The following ADGRL4 variants were observed in gnomAD, a reference collection of about 807,000 sequenced individuals.
The protein encoded by ADGRL4 is adhesion G protein-coupled receptor L4.
A neutral mutation model predicts 74.8 loss-of-function variants in ADGRL4; 90 were observed. The observed-to-expected ratio is 1.20, with a 90% CI of 1.02 to 1.43. The LOEUF (loss-of-function observed/expected upper bound fraction) is 1.43. ADGRL4 is among the 40% of genes most tolerant of loss of function. The probability of loss-of-function intolerance (pLI) is 0.00; values close to 1 mark genes in which losing one functional copy is unlikely to be tolerated. For missense variants in ADGRL4, 881 were observed against 814.3 expected (o/e 1.08, Z -1.00); for synonymous variants, 311 against 279.2 (o/e 1.11, Z -1.14).
chr1:78,947,097 A>G (rs760890095), intron 2 of ADGRL4, among the ~76,000 whole-genome samples: 39 of 152,202 alleles, frequency 2.6e-4, no homozygotes, highest in Non-Finnish European at 3.1e-4. Flanking sequence ...CTGTTAAATA[A>G]ATTGATTGGA....
intron 7 of ADGRL4, among the ~76,000 whole-genome samples, chr1:78,932,017 C>G (rs1485314649): frequency 1.3e-5 from 2 of 151,336 alleles, no homozygotes; most frequent in Non-Finnish European, 2.9e-5. Context: ...TTAGACAGAT[C>G]AATGAGACAG....
intron 2 of ADGRL4, among the ~76,000 whole-genome samples, chr1:78,960,243 T>C (rs1203364566): frequency 6.6e-6 from 1 of 152,202 alleles, no homozygotes; most frequent in Non-Finnish European, 1.5e-5. Flanking sequence ...TCTAAAACTA[T>C]TAAATTTTGC....
rs781694295 is a variant in ADGRL4 at position 78,920,195 on chromosome 1, T to C, written c.1449A>G (p.Thr483=). Residue 483 remains threonine, a synonymous_variant, in exon 10 of 15, where the codon ACA becomes ACG. Coordinates refer to ENST00000370742, the MANE Select transcript of ADGRL4 (RefSeq NM_022159.4). ...AELVFLVGIN[T]NTNKLFCSII... ...GATGCCTACATACCTTATTAGTATTTGTATTGATCCCAACAAGAAAAACAA... is the reference window on the plus strand; with the variant it reads ...GATGCCTACATACCTTATTAGTATTCGTATTGATCCCAACAAGAAAAACAA... 8.1e-6 allele frequency: 13 copies of C among 1,610,564 alleles called. No homozygotes were observed. Among genetic ancestry groups the C allele is most frequent in the Non-Finnish European group, 1.0e-5 (12 of 1,178,248 alleles).
At chr1:78,942,783 T>C (rs1398970890) in intron 3 of ADGRL4, among the ~76,000 whole-genome samples, 2 of 151,872 alleles carry the variant, frequency 1.3e-5, no homozygotes, top group Non-Finnish European at 2.9e-5. Flanking sequence ...ATTTAAAAAT[T>C]AGTCAGACAA....
chr1:78,914,949 TG>T (rs1487211618), intron 12 of ADGRL4, among the ~76,000 whole-genome samples: 1 of 151,904 alleles, frequency 6.6e-6, no homozygotes, highest in Admixed American at 6.6e-5. Context: ...TTCACTTTGA[TG>T]GTATGCATAA....
rs1649357389 is a variant in ADGRL4 at position 78,936,509 on chromosome 1, T to C, written c.761-98A>G. ...GAGACAATTTCATCCATCATTATTG[T>C]GTTTTAAATTATTTATAACAAGTAG... is the stretch of plus-strand genomic sequence containing the variant. On this transcript the variant is annotated intron_variant, in intron 6 of 14. Transcript: ENST00000370742. 3.7e-6 allele frequency: 4 copies of C among 1,093,236 alleles called. No homozygotes were observed. The Admixed American group carries it at 1.3e-4, about 37-fold the overall frequency. 67.7% of individuals were successfully genotyped at this position (1,093,236 alleles called of 1,614,324 possible).
intron 12 of ADGRL4, among the ~76,000 whole-genome samples, chr1:78,894,316 C>G (rs1013822524): frequency 2.6e-5 from 4 of 151,782 alleles, no homozygotes; most frequent in African/African-American, 9.6e-5. Flanking sequence ...ATGGAGGGGT[C>G]CTTGAGAGGA....
At chr1:78,961,836 T>C (rs140441350) in intron 2 of ADGRL4, among the ~76,000 whole-genome samples, 1 of 152,128 alleles carries the variant, frequency 6.6e-6, no homozygotes, top group East Asian at 1.9e-4. Flanking sequence ...TGCATCATGG[T>C]ACATGGCTTG....
chr1:78,997,785 T>C lies in ADGRL4; in HGVS notation c.172+7285A>G, dbSNP rs749250720. Among the ~76,000 whole-genome samples, 138 of 152,174 alleles carry C rather than the reference T, an allele frequency of 9.1e-4. 1 individual carries two copies. Among genetic ancestry groups the C allele is most frequent in the Non-Finnish European group, 1.5e-3 (103 of 68,024 alleles). On this transcript the variant is annotated intron_variant, in intron 2 of 14. Coordinates refer to ENST00000370742, the MANE Select transcript of ADGRL4 (RefSeq NM_022159.4). ...TAAAAAAAAATGTGATTATCACAGG[T>C]AACTTGCTCCAGATTTTGCCAGCTA...
chr1:78,930,792 T>A (rs997255657), intron 7 of ADGRL4, among the ~76,000 whole-genome samples: 3 of 151,370 alleles, frequency 2.0e-5, no homozygotes, highest in Non-Finnish European at 4.4e-5. Flanking sequence ...TTTTAGCGGT[T>A]CTGTACTGTC....
chr1:78,944,522 G>T (rs1649554957), intron 3 of ADGRL4, among the ~76,000 whole-genome samples: 1 of 152,068 alleles, frequency 6.6e-6, no homozygotes, highest in African/African-American at 2.4e-5. Context: ...CTTTTTTCTA[G>T]AAACACTAAA....
At chr1:78,955,297 A>T (rs192179268) in intron 2 of ADGRL4, among the ~76,000 whole-genome samples, 71 of 152,212 alleles carry the variant, frequency 4.7e-4, no homozygotes, top group African/African-American at 1.6e-3. Context: ...TTTCTTGTAG[A>T]TTTGCAAGAG....
intron 12 of ADGRL4, among the ~76,000 whole-genome samples, chr1:78,911,314 G>A (rs1570220558): frequency 6.6e-6 from 1 of 151,714 alleles, no homozygotes; most frequent in East Asian, 1.9e-4. Flanking sequence ...AACGGTGAAA[G>A]CAATCTTAAC....
At chr1:78,920,562 T>C (rs1648976608) in intron 9 of ADGRL4, among the ~76,000 whole-genome samples, 176 bp from the exon 10 acceptor site, 2 of 151,870 alleles carry the variant, frequency 1.3e-5, no homozygotes, top group South Asian at 2.1e-4. Context: ...AAATCCTCAA[T>C]ATCCACATAA....
At chr1:79,001,919 G>T (rs1022460193) in intron 2 of ADGRL4, among the ~76,000 whole-genome samples, 1 of 151,870 alleles carries the variant, frequency 6.6e-6, no homozygotes. Context: ...TTTAATTATT[G>T]TTTTTCTGCT....
At position 78,917,415 on chromosome 1, in the gene ADGRL4, T is replaced by C. The variant is rs12048990; in HGVS notation, c.1749+219A>G. 0.088 allele frequency among the ~76,000 whole-genome samples: 13,238 copies of C among 150,614 alleles called. 774 individuals are homozygous for C. Among genetic ancestry groups the C allele is most frequent in the East Asian group, 0.33 (1,691 of 5,116 alleles). On this transcript the variant is annotated intron_variant, in intron 12 of 14. Coordinates refer to ENST00000370742, the MANE Select transcript of ADGRL4 (RefSeq NM_022159.4). Reference sequence around the variant, plus strand: ...ATTTAAAAAGTATTATTATATTTTATATTTAAAAAGTATATATTAAAAAAT... The same window carrying C: ...ATTTAAAAAGTATTATTATATTTTACATTTAAAAAGTATATATTAAAAAAT...
chr1:78,892,968 C>T (rs571111621), intron 13 of ADGRL4, 130 bp downstream of exon 13: 15 of 603,674 alleles, frequency 2.5e-5, no homozygotes, highest in Middle Eastern at 4.4e-4. Context: ...TTTTCCGATG[C>T]GTCTTTTAAA....
intron 2 of ADGRL4, among the ~76,000 whole-genome samples, chr1:78,967,062 G>A (rs1650072886): frequency 6.6e-6 from 1 of 152,094 alleles, no homozygotes; most frequent in Non-Finnish European, 1.5e-5. Flanking sequence ...CCTAAAGGAA[G>A]ACAAGTGCTT....
At chr1:78,971,174 A>G (rs1650158939) in intron 2 of ADGRL4, among the ~76,000 whole-genome samples, 1 of 152,136 alleles carries the variant, frequency 6.6e-6, no homozygotes, top group Non-Finnish European at 1.5e-5. Flanking sequence ...AAAACTCTTG[A>G]CTGCTATTTT....
Sources: allele counts gnomAD v4.1 joint callset (sites outside exome capture counted in the v4.1 genomes callset), GRCh38; gene constraint gnomAD v4.1.1; transcripts MANE v1.5; gene names NCBI Gene and HGNC (gene_info 2026-07-23, HGNC 2026-07-21).